Variants in SEPTIN9 observed in about 807,000 individuals in gnomAD.
The protein encoded by SEPTIN9 is septin-9.
In SEPTIN9, 13 loss-of-function variants were observed where a neutral mutation model predicts 56.6. The ratio of observed to expected loss-of-function variants is 0.23; its 90% CI spans 0.15 to 0.37. The LOEUF is 0.37. Among genes scored for constraint, SEPTIN9 ranks in the 10% least tolerant of loss-of-function variants. The probability of loss-of-function intolerance (pLI) is 1.00; values close to 1 mark genes in which losing one functional copy is unlikely to be tolerated. For missense variants in SEPTIN9, 650 were observed against 823.1 expected, an observed-to-expected ratio of 0.79 and a Z score of 2.57; for synonymous variants, 332 against 334.1, an observed-to-expected ratio of 0.99 and a Z score of 0.07.
At chr17:77,357,658 A>C (rs2034296682) in intron 2 of SEPTIN9, among the ~76,000 whole-genome samples, 1 of 151,874 alleles carries the variant, frequency 6.6e-6, no homozygotes, top group African/African-American at 2.4e-5. Context: ...TAGGTCACCT[A>C]GGCTGAAGTG....
intron 2 of SEPTIN9, among the ~76,000 whole-genome samples, chr17:77,354,620 G>A (rs2034166011): frequency 6.6e-6 from 1 of 152,152 alleles, no homozygotes; most frequent in Non-Finnish European, 1.5e-5. Context: ...CCTGCTTGTG[G>A]GTTGAGGCTC....
rs1445550125 is a variant in SEPTIN9, at chr17:77,389,713, C to G, written c.77-12346C>G. Among the ~76,000 whole-genome samples, 1 of 152,112 alleles carries G rather than the reference C, an allele frequency of 6.6e-6. No individual in the cohort carries two copies. Among genetic ancestry groups the G allele is most frequent in the Admixed American group, 6.5e-5 (1 of 15,286 alleles). The stretch of plus-strand genomic sequence containing the variant: ...AGGGACGGAGGGTGGGCGGCCCTCC[C>G]ACCCAGGCCCTGGCGGCCCCACCCC... On this transcript the variant is annotated intron_variant, in intron 2 of 11. Transcript: ENST00000427177. This position sits in a 1 kb window ranked among gnomAD's most constrained non-coding sequence, Gnocchi z 4.3.
chr17:77,466,454 G>A (rs1282932153), intron 3 of SEPTIN9: 33 of 985,396 alleles, frequency 3.3e-5, no homozygotes, highest in Non-Finnish European at 3.9e-5. Context: ...TCCAGGTTCC[G>A]GCTGCTGCCT....
intron 2 of SEPTIN9, among the ~76,000 whole-genome samples, chr17:77,331,223 C>G (rs1186864203): frequency 6.6e-6 from 1 of 152,168 alleles, no homozygotes. Context: ...ATAATAAAAA[C>G]TACAGCTTCA....
At position 77,433,359 on chromosome 17, in the gene SEPTIN9, G is replaced by T. The variant is rs555436542; in HGVS notation, c.721+30656G>T. On this transcript the variant is annotated intron_variant, in intron 3 of 11. Transcript: ENST00000427177. This position sits in a 1 kb window ranked among gnomAD's most constrained non-coding sequence, Gnocchi z 6.4. ...GGCTCCTGCCCCAAGGAGCAGAAAG[G>T]GGGTTCGCTAGGTCAGGGTGGGGCT... Among the ~76,000 whole-genome samples the T allele has an allele frequency of 6.6e-6, 1 of 152,058 alleles. No homozygotes were observed. The highest frequency in any genetic ancestry group is 2.4e-5 in the African/African-American group (1 of 41,356).
intron 2 of SEPTIN9, among the ~76,000 whole-genome samples, chr17:77,354,796 G>T (rs74354492): frequency 1.3e-5 from 2 of 152,026 alleles, no homozygotes; most frequent in African/African-American, 4.8e-5. Context: ...CAATCGTGAC[G>T]CCTGCTTGTT....
At chr17:77,470,743 T>A (rs1264770593) in intron 3 of SEPTIN9, 1 of 152,246 alleles carries the variant, frequency 6.6e-6, no homozygotes, top group African/African-American at 2.4e-5. Flanking sequence ...TCCATCCCCA[T>A]CCTTACTTCA....
Position 77,498,578 on chromosome 17 carries a change from C to A in SEPTIN9, c.1681C>A (p.Arg561Ser). Residue 561 changes from arginine to serine, a missense_variant, in exon 12 of 12, where the codon CGT becomes AGT. Around this residue, in one of 2 missense-constraint regions of SEPTIN9, gnomAD observed 333 missense variants for 494.0 expected, o/e 0.67. Transcript: ENST00000427177. ...ITSSIHFEAY[R>S]VKRLNEGSSA... is the part of the protein sequence containing the mutation. ...CAGCAGCATCCACTTCGAGGCGTACCGTGTGAAGCGCCTCAACGAGGGCAG... is the reference window on the plus strand; with the variant it reads ...CAGCAGCATCCACTTCGAGGCGTACAGTGTGAAGCGCCTCAACGAGGGCAG... 6.2e-7 allele frequency: 1 copy of A among 1,603,320 alleles called. No homozygotes were observed. Among genetic ancestry groups the A allele is most frequent in the East Asian group, 2.3e-5 (1 of 44,248 alleles).
intron 2 of SEPTIN9, among the ~76,000 whole-genome samples, chr17:77,359,108 G>A (rs551349415): frequency 6.6e-6 from 1 of 152,194 alleles, no homozygotes; most frequent in East Asian, 1.9e-4. Flanking sequence ...TTAAGGGCAT[G>A]ACCTGAAAGT....
intron 3 of SEPTIN9, among the ~76,000 whole-genome samples, chr17:77,467,183 G>C (rs551235991): frequency 6.6e-6 from 1 of 152,224 alleles, no homozygotes; most frequent in Non-Finnish European, 1.5e-5. Context: ...CCTTCTGCTG[G>C]TGTCTCAGAA....
chr17:77,422,684 C>T (rs1462562874), intron 3 of SEPTIN9, among the ~76,000 whole-genome samples: 2 of 136,342 alleles, frequency 1.5e-5, no homozygotes, highest in Non-Finnish European at 1.5e-5. Context: ...GAAACCGGGC[C>T]CATCCCCATG....
intron 2 of SEPTIN9, chr17:77,375,618 C>G (rs752113645): frequency 1.3e-5 from 2 of 152,256 alleles, no homozygotes; most frequent in Non-Finnish European, 2.9e-5. Flanking sequence ...ACAATGGGCT[C>G]ATTGAGACCA....
chr17:77,429,109 G>A lies in SEPTIN9; in HGVS notation c.721+26406G>A, dbSNP rs1372384353. 2.1e-6 allele frequency: 1 copy of A among 471,650 alleles called. No individual in the cohort carries two copies. The allele number at this position is 471,650 out of a possible 1,614,324, so 29.2% of individuals were successfully genotyped here. A position where few individuals can be genotyped will look rare whatever the true frequency, so the allele number is the denominator to read the frequency against. ...TTGTGCCCCAGCTCCGTGTCCTCCG[G>A]TGTGTGTGAGGCCAAGCTCCTGGGG... On this transcript the variant is annotated intron_variant, in intron 3 of 11. Coordinates refer to ENST00000427177, the MANE Select transcript of SEPTIN9 (RefSeq NM_001113491.2). This position sits in a 1 kb window ranked among gnomAD's most constrained non-coding sequence, Gnocchi z 5.2.
At position 77,476,012 on chromosome 17, in the gene SEPTIN9, G is replaced by A; in HGVS notation, c.722-6132G>A. On this transcript the variant is annotated intron_variant, in intron 3 of 11. Transcript: ENST00000427177. This position sits in a 1 kb window ranked among gnomAD's most constrained non-coding sequence, Gnocchi z 6.0. ...ACTTGACCCTGAGCACTTTGTCCTG[G>A]GGTGCAGGCCCGGCTGTCACTCCCC... 8.2e-7 allele frequency: 1 copy of A among 1,212,728 alleles called. No homozygotes were observed. The highest frequency in any genetic ancestry group is 1.2e-6 in the Non-Finnish European group (1 of 856,680). 75.1% of individuals were successfully genotyped at this position (1,212,728 alleles called of 1,614,324 possible).
At chr17:77,498,442 C>G in intron 11 of SEPTIN9, 81 bp from the exon 12 acceptor site, 3 of 838,320 alleles carry the variant, frequency 3.6e-6, no homozygotes, top group Non-Finnish European at 5.8e-6. Context: ...GAGTCCGAGG[C>G]AGGCCGAGCA....
intron 2 of SEPTIN9, among the ~76,000 whole-genome samples, chr17:77,320,607 C>T (rs948426595): frequency 9.2e-5 from 14 of 152,200 alleles, no homozygotes; most frequent in Admixed American, 1.3e-4. Context: ...GCCATTCTTG[C>T]ATGTCATGGC....
At chr17:77,285,833 C>T (rs570733960) in intron 1 of SEPTIN9, among the ~76,000 whole-genome samples, 18 of 152,320 alleles carry the variant, frequency 1.2e-4, no homozygotes, top group African/African-American at 4.1e-4. Context: ...CAGCTTCTGC[C>T]GTGATTCAGT....
At position 77,369,869 on chromosome 17, in the gene SEPTIN9, T is replaced by A. The variant is rs749171821; in HGVS notation, c.77-32190T>A. ...AAACGCTGCTTCCTCGTGGATTTCCTCCCCACTCCGTTCCCACGCTTTGTA... is the reference window on the plus strand; with the variant it reads ...AAACGCTGCTTCCTCGTGGATTTCCACCCCACTCCGTTCCCACGCTTTGTA... On this transcript the variant is annotated intron_variant, in intron 2 of 11. Coordinates refer to ENST00000427177, the MANE Select transcript of SEPTIN9 (RefSeq NM_001113491.2). This position sits in a 1 kb window ranked among gnomAD's most constrained non-coding sequence, Gnocchi z 4.9. Among the ~76,000 whole-genome samples the A allele has an allele frequency of 1.3e-5, 2 of 152,196 alleles. No individual in the cohort carries two copies. The highest frequency in any genetic ancestry group is 2.9e-5 in the Non-Finnish European group (2 of 68,026).
chr17:77,471,660 A>G, intron 3 of SEPTIN9, among the ~76,000 whole-genome samples: 1 of 152,170 alleles, frequency 6.6e-6, no homozygotes, highest in East Asian at 1.9e-4. Context: ...GATAAGAGGA[A>G]ATTCCAGCCT....
Sources: allele counts gnomAD v4.1 joint callset (sites outside exome capture counted in the v4.1 genomes callset), GRCh38; gene constraint gnomAD v4.1.1; regional missense constraint gnomAD v4.1.1; non-coding constraint Gnocchi (gnomAD v3.1); transcripts MANE v1.5; gene names NCBI Gene and HGNC (gene_info 2026-07-23, HGNC 2026-07-21).